Variants in SLC28A3 observed in about 807,000 individuals in gnomAD.
SLC28A3 encodes the protein solute carrier family 28 member 3.
Under a neutral mutation model 84.2 loss-of-function variants are expected in SLC28A3, and 68 were observed. That is an observed-to-expected ratio of 0.81 (90% CI 0.66 to 0.99). SLC28A3 has a LOEUF of 0.99. Among genes scored for constraint, SLC28A3 ranks in the 50% least tolerant of loss-of-function variants. The probability of loss-of-function intolerance (pLI) is 0.00; values close to 1 mark genes in which losing one functional copy is unlikely to be tolerated. For synonymous variants in SLC28A3, 267 were observed against 303.6 expected, an observed-to-expected ratio of 0.88 and a Z score of 1.25; for missense variants, 712 against 841.5, an observed-to-expected ratio of 0.85 and a Z score of 1.90.
chr9:84,278,535 A>G, intron 17 of SLC28A3, 191 bp from the exon 18 acceptor site: 1 of 622,184 alleles, frequency 1.6e-6, no homozygotes, highest in Non-Finnish European at 2.7e-6. Context: ...GTCCTCAAGA[A>G]CTTTCCCTAT....
intron 3 of SLC28A3, 44 bp from the exon 4 acceptor site, chr9:84,305,389 A>C (rs1433535139): frequency 6.6e-7 from 1 of 1,509,248 alleles, no homozygotes; most frequent in Admixed American, 1.7e-5. Flanking sequence ...AAACACCAAA[A>C]ACATGAAATA....
At chr9:84,285,658 C>A in intron 13 of SLC28A3, 116 bp from the exon 14 acceptor site, 1 of 1,128,660 alleles carries the variant, frequency 8.9e-7, no homozygotes, top group South Asian at 1.4e-5. Context: ...GAAATTCCTT[C>A]TTCCCTTGCC....
At chr9:84,348,101 G>A in the SLC28A3 span, among the ~76,000 whole-genome samples, 1 of 152,116 alleles carries the variant, frequency 6.6e-6, no homozygotes, top group African/African-American at 2.4e-5. Flanking sequence ...CTTAAAGTTT[G>A]CATTATAAGC....
At chr9:84,298,688 T>C (rs577938280) in intron 6 of SLC28A3, among the ~76,000 whole-genome samples, 28 of 152,352 alleles carry the variant, frequency 1.8e-4, no homozygotes, top group Middle Eastern at 3.4e-3. Context: ...CATGTAATTA[T>C]TTCCCCTATC....
intron 1 of SLC28A3, among the ~76,000 whole-genome samples, chr9:84,326,633 A>AAACAACAACAACAAC (rs34082643): frequency 6.7e-6 from 1 of 148,176 alleles, no homozygotes; most frequent in African/African-American, 2.5e-5. Flanking sequence ...GATGGATTAA[A>AAACAACAACAACAAC]AACAACAACA....
chr9:84,311,449 A>G (rs1455736771), intron 2 of SLC28A3, among the ~76,000 whole-genome samples: 1 of 152,028 alleles, frequency 6.6e-6, no homozygotes, highest in Non-Finnish European at 1.5e-5. Flanking sequence ...CATCACCCAA[A>G]GTCTGCAGTG....
chr9:84,367,683 T>C, the SLC28A3 span, among the ~76,000 whole-genome samples: 4 of 152,066 alleles, frequency 2.6e-5, no homozygotes, highest in Non-Finnish European at 5.9e-5. Context: ...AGAGTGATGA[T>C]GGGGAGAAGG....
the SLC28A3 span, among the ~76,000 whole-genome samples, chr9:84,351,125 G>C: frequency 6.6e-6 from 1 of 152,098 alleles, no homozygotes; most frequent in East Asian, 1.9e-4. Context: ...TTTCTTTATA[G>C]TCTTATTCTA....
chr9:84,323,425 G>A (rs994302053), intron 1 of SLC28A3, among the ~76,000 whole-genome samples: 1 of 114,230 alleles, frequency 8.8e-6, no homozygotes, highest in Non-Finnish European at 1.7e-5. Context: ...TTCAGTACAT[G>A]ATTTTTTTTT....
At chr9:84,307,612 A>G (rs533815313) in intron 3 of SLC28A3, among the ~76,000 whole-genome samples, 1 of 152,338 alleles carries the variant, frequency 6.6e-6, no homozygotes, top group East Asian at 1.9e-4. Context: ...TATTGGGTGA[A>G]TAAAAGTGTA....
intron 14 of SLC28A3, among the ~76,000 whole-genome samples, chr9:84,284,969 C>A (rs4877831): frequency 6.6e-6 from 1 of 151,988 alleles, no homozygotes; most frequent in Non-Finnish European, 1.5e-5. Context: ...GACTATGAGG[C>A]CAGGGGCCCC....
the SLC28A3 span, among the ~76,000 whole-genome samples, chr9:84,347,227 A>AAAAAAAG: frequency 1.1e-4 from 14 of 131,820 alleles, no homozygotes; most frequent in African/African-American, 4.1e-4. Context: ...AAAAAAAAAA[A>AAAAAAAG]AAGGGAAGAA....
the SLC28A3 span, among the ~76,000 whole-genome samples, chr9:84,366,241 A>G: frequency 6.6e-6 from 1 of 152,010 alleles, no homozygotes; most frequent in Non-Finnish European, 1.5e-5. Flanking sequence ...TGCTTATTTT[A>G]AACTATTTCA....
rs11568411 is a variant in SLC28A3 at position 84,309,671 on chromosome 9, C to T, written c.200G>A (p.Arg67Lys). The T allele has an allele frequency of 1.2e-4, 200 of 1,613,812 alleles. 1 individual carries two copies. In the African/African-American group the frequency reaches 2.4e-3, roughly 19 times the overall value. The change falls in exon 3 of 18, where the codon AGA becomes AAA. Residue 67 changes from arginine to lysine, a missense_variant. By Grantham distance (26) the Arg-to-Lys change is conservative (BLOSUM62 2). Coordinates refer to ENST00000376238, the MANE Select transcript of SLC28A3 (RefSeq NM_001199633.2). ...VTVEQDSPRN[R>K]EHMEDDDEEM... ...CTCATCATCATCCTCCATGTGTTCT[C>T]TGTTTCTTGGAGAATCCTGCTCAAC...
chr9:84,352,037 A>G, the SLC28A3 span, among the ~76,000 whole-genome samples: 8 of 152,214 alleles, frequency 5.3e-5, no homozygotes, highest in African/African-American at 1.9e-4. Flanking sequence ...AAAAGTTACA[A>G]AAAGAGATGC....
chr9:84,345,365 C>G (rs183873992), upstream of SLC28A3, among the ~76,000 whole-genome samples: 2 of 152,176 alleles, frequency 1.3e-5, no homozygotes, highest in Admixed American at 6.5e-5. Flanking sequence ...GATATTAAAA[C>G]CTTCACCAAC....
the SLC28A3 span, among the ~76,000 whole-genome samples, chr9:84,364,478 C>A: frequency 6.6e-6 from 1 of 152,138 alleles, no homozygotes; most frequent in South Asian, 2.1e-4. Flanking sequence ...CTGCCTTCAC[C>A]TCCCAAAGTG....
rs539563571 is a variant in SLC28A3, at chr9:84,310,527, G to C, written c.157-813C>G. 6.1e-5 allele frequency: 60 copies of C among 985,458 alleles called. No individual in the cohort carries two copies. In the African/African-American group the frequency reaches 1.0e-3, roughly 17 times the overall value. The allele number at this position is 985,458 out of a possible 1,614,324, so 61.0% of individuals were successfully genotyped here. ...GTGGAGCAGTTTGAGTGTGCTCTAA[G>C]AAGTATAATGTCAAATCTCAGCACT... On this transcript the variant is annotated intron_variant, in intron 2 of 17. Coordinates refer to ENST00000376238, the MANE Select transcript of SLC28A3 (RefSeq NM_001199633.2).
intron 1 of SLC28A3, among the ~76,000 whole-genome samples, chr9:84,329,215 A>T (rs1826684436): frequency 6.6e-6 from 1 of 152,256 alleles, no homozygotes; most frequent in South Asian, 2.1e-4. Flanking sequence ...GAGCTCTAAA[A>T]CACATGAAGC....
Sources: allele counts gnomAD v4.1 joint callset (sites outside exome capture counted in the v4.1 genomes callset), GRCh38; gene constraint gnomAD v4.1.1; transcripts MANE v1.5; gene names NCBI Gene and HGNC (gene_info 2026-07-23, HGNC 2026-07-21).